Variants in CCSER1 observed in about 807,000 individuals in gnomAD.
CCSER1 encodes serine-rich coiled-coil domain-containing protein 1.
A neutral mutation model predicts 82.0 loss-of-function variants in CCSER1; 41 were observed. That is an observed-to-expected ratio of 0.50 (90% CI 0.39 to 0.65). CCSER1 has a LOEUF of 0.65. Ranked by LOEUF, CCSER1 falls within the 30% of genes least tolerant of loss-of-function variation. The pLI is 0.00. For missense variants in CCSER1, 1,119 were observed against 1,064.2 expected, an observed-to-expected ratio of 1.05 and a Z score of -0.72; for synonymous variants, 414 against 383.9, an observed-to-expected ratio of 1.08 and a Z score of -0.92.
intron 8 of CCSER1, among the ~76,000 whole-genome samples, chr4:90,831,048 A>G (rs1306376616): frequency 6.6e-6 from 1 of 152,030 alleles, no homozygotes; most frequent in Admixed American, 6.6e-5. Context: ...ATGTATTACA[A>G]ACAGGGGAAC....
intron 10 of CCSER1, among the ~76,000 whole-genome samples, chr4:91,118,900 C>T (rs1313693532): frequency 1.3e-5 from 2 of 152,060 alleles, no homozygotes; most frequent in Non-Finnish European, 2.9e-5. Context: ...AATTTAGAAA[C>T]CTTGATAATA....
chr4:90,721,843 T>C (rs1742733472), intron 6 of CCSER1, among the ~76,000 whole-genome samples: 1 of 151,024 alleles, frequency 6.6e-6, no homozygotes, highest in South Asian at 2.1e-4. Flanking sequence ...AAGTACAGTT[T>C]ATCAGCTGTT....
intron 8 of CCSER1, among the ~76,000 whole-genome samples, chr4:90,841,631 T>C (rs577329635): frequency 6.6e-6 from 1 of 151,756 alleles, no homozygotes; most frequent in East Asian, 1.9e-4. Flanking sequence ...ATGTTTTCCC[T>C]GACATAGTCT....
rs1004402469 is a variant in CCSER1 at position 90,691,211 on chromosome 4, T to G, written c.1933-32703T>G. Reference sequence around the variant, plus strand: ...ACTCTTTTAATTTTACTATTAAATCTTTACAGAGGGTTTATACATACAAAC... The same window carrying G: ...ACTCTTTTAATTTTACTATTAAATCGTTACAGAGGGTTTATACATACAAAC... On this transcript the variant is annotated intron_variant, in intron 6 of 10. Coordinates refer to ENST00000509176, the MANE Select transcript of CCSER1 (RefSeq NM_001145065.2). Among the ~76,000 whole-genome samples the G allele has an allele frequency of 2.6e-5, 4 of 152,046 alleles. No individual in the cohort carries two copies. The South Asian group carries it at 8.3e-4, about 31-fold the overall frequency.
intron 10 of CCSER1, among the ~76,000 whole-genome samples, chr4:91,134,290 G>T (rs1728260374): frequency 6.6e-6 from 1 of 151,910 alleles, no homozygotes; most frequent in Admixed American, 6.6e-5. Context: ...CTAGCTACTT[G>T]GGAGGCTGAG....
intron 9 of CCSER1, among the ~76,000 whole-genome samples, chr4:90,992,696 A>G (rs888419982): frequency 2.0e-5 from 3 of 151,966 alleles, no homozygotes; most frequent in Non-Finnish European, 4.4e-5. Flanking sequence ...TAGGTCTTCA[A>G]TTACTTGCTG....
chr4:91,537,232 T>C (rs1021301902), intron 10 of CCSER1, among the ~76,000 whole-genome samples: 3 of 152,040 alleles, frequency 2.0e-5, no homozygotes, highest in African/African-American at 7.2e-5. Flanking sequence ...CAAGTGACTG[T>C]TCCAAAGTCA....
At chr4:90,986,839 A>C (rs550588107) in intron 9 of CCSER1, among the ~76,000 whole-genome samples, 13 of 151,846 alleles carry the variant, frequency 8.6e-5, no homozygotes, top group African/African-American at 3.1e-4. Context: ...ACTCCCCATA[A>C]CAACGCCTTC....
chr4:91,252,755 G>A (rs1740349594), intron 10 of CCSER1, among the ~76,000 whole-genome samples: 1 of 152,124 alleles, frequency 6.6e-6, no homozygotes, highest in Non-Finnish European at 1.5e-5. Flanking sequence ...AAATTAGAAT[G>A]ATATAACTTT....
At chr4:91,446,516 A>G (rs1472332937) in intron 10 of CCSER1, among the ~76,000 whole-genome samples, 5 of 151,690 alleles carry the variant, frequency 3.3e-5, no homozygotes. Context: ...CGACATTTTT[A>G]AAAGTCTGTA....
chr4:90,762,169 G>A (rs1750503893), intron 7 of CCSER1, among the ~76,000 whole-genome samples: 1 of 152,100 alleles, frequency 6.6e-6, no homozygotes, highest in African/African-American at 2.4e-5. Flanking sequence ...GAATCATAGG[G>A]GTGGTTACCT....
At chr4:90,868,443 A>T (rs1174508636) in intron 8 of CCSER1, among the ~76,000 whole-genome samples, 4 of 152,044 alleles carry the variant, frequency 2.6e-5, no homozygotes, top group Admixed American at 1.3e-4. Context: ...ATAGGTGGGA[A>T]CATGCAAAGT....
chr4:90,781,169 C>T (rs1441646244), intron 7 of CCSER1: 2 of 663,066 alleles, frequency 3.0e-6, no homozygotes, highest in East Asian at 1.4e-4. Flanking sequence ...CAAGCCCCAC[C>T]TCCAGCACTG....
chr4:90,382,029 G>A (rs902570872), intron 3 of CCSER1, among the ~76,000 whole-genome samples: 42 of 152,056 alleles, frequency 2.8e-4, no homozygotes, highest in Non-Finnish European at 2.6e-4. Context: ...AAAAACTGGT[G>A]TGAGTGGTTG....
At position 91,271,674 on chromosome 4, in the gene CCSER1, T is replaced by A. The variant is rs542407085; in HGVS notation, c.2217+185680T>A. Among the ~76,000 whole-genome samples, 174 of 152,132 alleles carry A rather than the reference T, an allele frequency of 1.1e-3. 3 individuals are homozygous for A. Among genetic ancestry groups the A allele is most frequent in the Non-Finnish European group, 1.8e-3 (120 of 67,996 alleles). On this transcript the variant is annotated intron_variant, in intron 10 of 10. Transcript: ENST00000509176. Reference sequence around the variant, plus strand: ...ATACATATATACACACATATATATATGATATATATACACACACATATATAT... The same window carrying A: ...ATACATATATACACACATATATATAAGATATATATACACACACATATATAT...
intron 9 of CCSER1, among the ~76,000 whole-genome samples, chr4:91,050,782 C>G (rs1742941877): frequency 6.6e-6 from 1 of 152,134 alleles, no homozygotes; most frequent in Non-Finnish European, 1.5e-5. Context: ...ATTTATCTTC[C>G]CAGTCTCTAT....
rs1409048493 is a variant in CCSER1, at chr4:90,233,636, A to T, written c.-41-74608A>T. On this transcript the variant is annotated intron_variant, in intron 1 of 10. Coordinates refer to ENST00000509176, the MANE Select transcript of CCSER1 (RefSeq NM_001145065.2). ...CTTAAAGTATAATAATAATAAATTA[A>T]AAAAAAAAAACAAAACAAACTGGCC... Among the ~76,000 whole-genome samples, 11 of 26,072 alleles carry T rather than the reference A, an allele frequency of 4.2e-4. No individual in the cohort carries two copies. The African/African-American group carries it at 0.014, about 33-fold the overall frequency. The allele number at this position is 26,072 out of a possible 152,430, so 17.1% of individuals were successfully genotyped here. A position where few individuals can be genotyped will look rare whatever the true frequency, so the allele number is the denominator to read the frequency against.
chr4:91,040,529 TAAAGAAGGA>T (rs1249648907), intron 9 of CCSER1, among the ~76,000 whole-genome samples: 1 of 152,152 alleles, frequency 6.6e-6, no homozygotes, highest in African/African-American at 2.4e-5. Flanking sequence ...GTCTAGAATC[TAAAGAAGGA>T]AAAGGCATCC....
intron 1 of CCSER1, among the ~76,000 whole-genome samples, chr4:90,238,839 A>G (rs1746297457): frequency 6.6e-6 from 1 of 151,502 alleles, no homozygotes; most frequent in Non-Finnish European, 1.5e-5. Context: ...AGCTTGGTGG[A>G]TTTCTTCTAG....
Sources: allele counts gnomAD v4.1 joint callset (sites outside exome capture counted in the v4.1 genomes callset), GRCh38; gene constraint gnomAD v4.1.1; transcripts MANE v1.5; gene names NCBI Gene and HGNC (gene_info 2026-07-23, HGNC 2026-07-21).